ULK2: variants seen among roughly 807,000 people sequenced by gnomAD.
ULK2 encodes serine/threonine-protein kinase ULK2.
In ULK2, 76 loss-of-function variants were observed where a neutral mutation model predicts 127.5. The ratio of observed to expected loss-of-function variants is 0.60; its 90% CI spans 0.50 to 0.72. The LOEUF is 0.72. ULK2 is among the 30% of genes least tolerant of loss of function. ULK2 has a pLI of 0.00. For missense variants in ULK2, 1,144 were observed against 1,295.9 expected (o/e 0.88, Z 1.80); for synonymous variants, 452 against 461.9 (o/e 0.98, Z 0.28).
chr17:19,797,871 C>T (rs1299031163), intron 17 of ULK2, among the ~76,000 whole-genome samples, 189 bp from the exon 18 acceptor site: 2 of 152,036 alleles, frequency 1.3e-5, no homozygotes, highest in African/African-American at 4.8e-5. Flanking sequence ...GTCCATTGTT[C>T]GTATTCTCAG....
At chr17:19,802,034 TAC>T in intron 15 of ULK2, 112 bp from the exon 16 acceptor site, 2 of 1,181,560 alleles carry the variant, frequency 1.7e-6, no homozygotes, top group Non-Finnish European at 2.3e-6. Flanking sequence ...AAATATGTAA[TAC>T]AGTCACATGG....
At chr17:19,862,091 C>T (rs541931888) in intron 3 of ULK2, among the ~76,000 whole-genome samples, 1 of 151,484 alleles carries the variant, frequency 6.6e-6, no homozygotes, top group Non-Finnish European at 1.5e-5. Flanking sequence ...CTTAAACATC[C>T]TTTTTCTTTT....
Position 19,783,715 on chromosome 17 carries a change from C to T in ULK2, c.2442G>A (p.Pro814=), listed in dbSNP as rs138594207. ...TTTCTACCTCCATCAGCGTCTCCTC[C>T]GGCAGTTCAGGGGCTTCAAAGGTGA... ...GLITFEAPEL[P]EETLMEREHT... Residue 814 remains proline, a synonymous_variant, in exon 22 of 27, where the codon CCG becomes CCA. Transcript: ENST00000395544. 1.3e-5 allele frequency: 20 copies of T among 1,551,894 alleles called. No individual in the cohort carries two copies. The highest frequency in any genetic ancestry group is 1.7e-4 in the Middle Eastern group (1 of 5,850).
intron 9 of ULK2, among the ~76,000 whole-genome samples, chr17:19,839,601 G>A (rs563060821): frequency 6.7e-6 from 1 of 149,920 alleles, no homozygotes; most frequent in East Asian, 2.0e-4. Flanking sequence ...GGTGGATGTT[G>A]CAGTGAGCCA....
intron 12 of ULK2, among the ~76,000 whole-genome samples, chr17:19,822,964 G>A (rs1186861145): frequency 6.6e-6 from 1 of 151,348 alleles, no homozygotes; most frequent in African/African-American, 2.4e-5. Context: ...AGGATTACAG[G>A]CGTGAGTCAC....
intron 13 of ULK2, among the ~76,000 whole-genome samples, chr17:19,812,324 T>A (rs1213886608): frequency 6.6e-6 from 1 of 152,222 alleles, no homozygotes; most frequent in Non-Finnish European, 1.5e-5. Flanking sequence ...AGTTGATGAA[T>A]ACATTAATTT....
intron 10 of ULK2, among the ~76,000 whole-genome samples, chr17:19,833,385 A>G (rs530097569): frequency 4.0e-5 from 6 of 150,894 alleles, no homozygotes; most frequent in Admixed American, 2.6e-4. Context: ...TTTTTGAGAC[A>G]GAGTCTCGCT....
intron 25 of ULK2, among the ~76,000 whole-genome samples, chr17:19,780,141 T>A (rs205095): frequency 0.85 from 128,198 of 150,416 alleles, 55,933 homozygotes; most frequent in Non-Finnish European, 0.96. Flanking sequence ...GCCACTGTAC[T>A]CCAGCCTGGG....
chr17:19,850,363 G>C (rs1451829445), intron 3 of ULK2, among the ~76,000 whole-genome samples: 1 of 152,142 alleles, frequency 6.6e-6, no homozygotes, highest in Non-Finnish European at 1.5e-5. Context: ...GAAATGAATT[G>C]AGGGCTCTTA....
At chr17:19,866,945 CA>C (rs2042363695) in intron 1 of ULK2, among the ~76,000 whole-genome samples, 1 of 152,138 alleles carries the variant, frequency 6.6e-6, no homozygotes, top group Non-Finnish European at 1.5e-5. Flanking sequence ...TTATCAACCT[CA>C]AAAGTGACCA....
At chr17:19,837,566 A>G (rs1245857725) in intron 10 of ULK2, among the ~76,000 whole-genome samples, 1 of 152,216 alleles carries the variant, frequency 6.6e-6, no homozygotes, top group East Asian at 1.9e-4. Flanking sequence ...CATGTCCAAC[A>G]GAAACTCCTC....
chr17:19,829,073 GAAAAGAA>G (rs781043942), intron 10 of ULK2, among the ~76,000 whole-genome samples: 32 of 150,816 alleles, frequency 2.1e-4, no homozygotes, highest in Non-Finnish European at 4.3e-4. Flanking sequence ...ATCTCAAAAA[GAAAAGAA>G]AAAAGAAAAA....
chr17:19,777,195 C>T (rs1055169404), intron 26 of ULK2, among the ~76,000 whole-genome samples: 1 of 152,188 alleles, frequency 6.6e-6, no homozygotes, highest in East Asian at 1.9e-4. Context: ...ACCTCCACCT[C>T]CTGGGTTCAA....
intron 12 of ULK2, among the ~76,000 whole-genome samples, chr17:19,818,940 G>C (rs2041067634): frequency 6.6e-6 from 1 of 151,248 alleles, no homozygotes. Context: ...AGCTGGGATT[G>C]CAGGCATCTG....
chr17:19,812,047 T>C (rs1452072673), intron 13 of ULK2, among the ~76,000 whole-genome samples: 1 of 152,140 alleles, frequency 6.6e-6, no homozygotes, highest in Non-Finnish European at 1.5e-5. Flanking sequence ...GAGTAGTATT[T>C]GACTTAGTTG....
rs769147488 is a variant in ULK2, at chr17:19,838,543, A to G, written c.745T>C (p.Leu249=). 53 of 1,613,286 alleles carry G rather than the reference A, an allele frequency of 3.3e-5. No homozygotes were observed. Among genetic ancestry groups the G allele is most frequent in the Non-Finnish European group, 3.6e-5 (43 of 1,179,836 alleles). ...TTTTGGTTTCTCTGAAGCAAACCCA[A>G]AAGGAGATTAGCCAAATAAGGTGAT... ...ETSPYLANLL[L]GLLQRNQKDR... Residue 249 remains leucine, a synonymous_variant, in exon 10 of 27, where the codon TTG becomes CTG. Coordinates refer to ENST00000395544, the MANE Select transcript of ULK2 (RefSeq NM_014683.4).
At chr17:19,801,711 T>C (rs2087402644) in intron 16 of ULK2, 66 bp downstream of exon 16, 2 of 1,595,876 alleles carry the variant, frequency 1.3e-6, no homozygotes, top group South Asian at 1.1e-5. Flanking sequence ...CTAAAGAAAA[T>C]GTGTCATGTC....
At position 19,786,087 on chromosome 17, in the gene ULK2, C is replaced by A; in HGVS notation, c.2102-1G>T. The A allele has an allele frequency of 6.4e-7, 1 of 1,558,704 alleles. No homozygotes were observed. Among genetic ancestry groups the A allele is most frequent in the African/African-American group, 1.4e-5 (1 of 70,590 alleles). On this transcript the variant is annotated splice_acceptor_variant, in intron 20 of 26. Coordinates refer to ENST00000395544, the MANE Select transcript of ULK2 (RefSeq NM_014683.4). LOFTEE classifies it high-confidence loss of function. ...ACACCACCACAGGCTCCTGCCGGAG[C>A]TACAACAAAAAGTTTATAGAAGGTC... is the stretch of plus-strand genomic sequence containing the variant.
At chr17:19,803,943 T>C (rs2087455378) in intron 15 of ULK2, among the ~76,000 whole-genome samples, 1 of 152,242 alleles carries the variant, frequency 6.6e-6, no homozygotes, top group Non-Finnish European at 1.5e-5. Flanking sequence ...CTGAGGGTAC[T>C]GTGGGGCACA....
Sources: gnomAD v4.1 joint callset for allele counts (sites outside exome capture counted in the v4.1 genomes callset) on GRCh38, gnomAD v4.1.1 for gene constraint, MANE v1.5 for transcripts, NCBI Gene and HGNC (gene_info 2026-07-23, HGNC 2026-07-21) for gene names.